SPAG17: variants seen among roughly 807,000 people sequenced by gnomAD.
The protein encoded by SPAG17 is sperm-associated antigen 17.
Under a neutral mutation model 273.6 loss-of-function variants are expected in SPAG17, and 169 were observed. That is an observed-to-expected ratio of 0.62 (90% CI 0.55 to 0.70). SPAG17 has a LOEUF of 0.70. Among genes scored for constraint, SPAG17 ranks in the 30% least tolerant of loss-of-function variants. The pLI is 0.00. For missense variants in SPAG17, 2,557 were observed against 2,627.8 expected (o/e 0.97, Z 0.59); for synonymous variants, 825 against 873.2 (o/e 0.94, Z 0.97).
At chr1:117,967,793 T>C (rs2101465954) in intron 46 of SPAG17, among the ~76,000 whole-genome samples, 1 of 152,342 alleles carries the variant, frequency 6.6e-6, no homozygotes, top group East Asian at 1.9e-4. Context: ...GAGAGAGCTA[T>C]TTATGTTTCT....
intron 45 of SPAG17, among the ~76,000 whole-genome samples, chr1:117,971,172 G>A (rs1654510280): frequency 2.0e-5 from 3 of 152,126 alleles, no homozygotes; most frequent in Admixed American, 2.0e-4. Flanking sequence ...TTTAATGGAA[G>A]TAATACCCAT....
At chr1:118,133,235 G>C (rs991153288) in intron 3 of SPAG17, among the ~76,000 whole-genome samples, 2 of 152,058 alleles carry the variant, frequency 1.3e-5, no homozygotes, top group African/African-American at 4.8e-5. Context: ...ATGCATGATG[G>C]GCAATGGAAA....
At chr1:118,002,518 G>A (rs1282260851) in intron 32 of SPAG17, among the ~76,000 whole-genome samples, 1 of 152,140 alleles carries the variant, frequency 6.6e-6, no homozygotes, top group African/African-American at 2.4e-5. Flanking sequence ...TGTATTGGGT[G>A]CATATATATT....
intron 35 of SPAG17, among the ~76,000 whole-genome samples, chr1:117,993,980 C>T (rs908799182): frequency 1.3e-5 from 2 of 151,976 alleles, no homozygotes; most frequent in Non-Finnish European, 2.9e-5. Flanking sequence ...ATGGTCAGTT[C>T]GTGCATTTTT....
intron 45 of SPAG17, among the ~76,000 whole-genome samples, chr1:117,970,658 G>T (rs1654450315): frequency 6.6e-6 from 1 of 151,994 alleles, no homozygotes; most frequent in African/African-American, 2.4e-5. Context: ...TGGTTTGTGG[G>T]GTCTGCTTGA....
At chr1:117,987,938 C>G in intron 39 of SPAG17, 57 bp from the exon 40 acceptor site, 44 of 1,586,394 alleles carry the variant, frequency 2.8e-5, no homozygotes, top group Admixed American at 3.4e-5. Context: ...AGCTTAAAAA[C>G]AAAACCAAAA....
At chr1:118,147,837 G>C (rs1476982135) in intron 3 of SPAG17, among the ~76,000 whole-genome samples, 3 of 152,126 alleles carry the variant, frequency 2.0e-5, no homozygotes, top group Non-Finnish European at 2.9e-5. Context: ...ATGTGGCTCT[G>C]ACACTATTTT....
Position 118,185,114 on chromosome 1 carries a change from G to T in SPAG17, c.44C>A (p.Ser15Tyr), listed in dbSNP as rs751883629. ...TATGAGCGAGGGTTCCCATATCTTAGAACTGGTGTTCACAGTTCCTCCTTT... is the reference window on the plus strand; with the variant it reads ...TATGAGCGAGGGTTCCCATATCTTATAACTGGTGTTCACAGTTCCTCCTTT... ...KEKGGTVNTS[S>Y]KIWEPSLIAA... The change falls in exon 1 of 49, where the codon TCT becomes TAT. Residue 15 changes from serine to tyrosine, a missense_variant. Coordinates refer to ENST00000336338, the MANE Select transcript of SPAG17 (RefSeq NM_206996.4). The T allele has an allele frequency of 6.2e-7, 1 of 1,614,190 alleles. No individual in the cohort carries two copies. Among genetic ancestry groups the T allele is most frequent in the Non-Finnish European group, 8.5e-7 (1 of 1,180,032 alleles).
At chr1:118,006,671 A>G (rs930300598) in intron 31 of SPAG17, among the ~76,000 whole-genome samples, 1 of 152,208 alleles carries the variant, frequency 6.6e-6, no homozygotes, top group Admixed American at 6.5e-5. Flanking sequence ...GTTGTTTTCC[A>G]AAGTGACTAT....
chr1:118,072,414 C>T (rs1653687945), intron 17 of SPAG17, among the ~76,000 whole-genome samples: 1 of 152,066 alleles, frequency 6.6e-6, no homozygotes, highest in Non-Finnish European at 1.5e-5. Flanking sequence ...ATGGGTGTGG[C>T]CCGGATGACG....
intron 3 of SPAG17, among the ~76,000 whole-genome samples, chr1:118,135,547 T>C (rs185453841): frequency 1.3e-5 from 2 of 152,268 alleles, no homozygotes; most frequent in Non-Finnish European, 2.9e-5. Context: ...AGGTTCTAAG[T>C]GTTTCTGGAG....
At chr1:117,991,361 A>T in intron 37 of SPAG17, 54 bp downstream of exon 37, 1 of 1,073,182 alleles carries the variant, frequency 9.3e-7, no homozygotes, top group Non-Finnish European at 1.3e-6. Flanking sequence ...TTGTCCTGAA[A>T]CATTTAATAT....
intron 48 of SPAG17, chr1:117,960,238 A>G (rs1271846740): frequency 6.6e-6 from 1 of 152,024 alleles, no homozygotes; most frequent in Non-Finnish European, 1.5e-5. Context: ...CGCCCCGCAC[A>G]GTCAAAAATC....
At chr1:118,039,722 T>C (rs1441294598) in intron 22 of SPAG17, among the ~76,000 whole-genome samples, 2 of 152,088 alleles carry the variant, frequency 1.3e-5, no homozygotes, top group Non-Finnish European at 2.9e-5. Flanking sequence ...ATAATATGCA[T>C]ACCAAAGCCC....
intron 48 of SPAG17, among the ~76,000 whole-genome samples, chr1:117,954,905 T>G (rs74114929): frequency 0.025 from 3,761 of 152,256 alleles, 153 homozygotes; most frequent in African/African-American, 0.084. Flanking sequence ...CTGAAGATTC[T>G]GTTAATCTAA....
intron 20 of SPAG17, among the ~76,000 whole-genome samples, chr1:118,044,138 A>G (rs1487791083): frequency 6.6e-6 from 1 of 152,172 alleles, no homozygotes; most frequent in Non-Finnish European, 1.5e-5. Flanking sequence ...ACTTATGTAC[A>G]TATATGTATA....
chr1:118,028,449 A>G, intron 25 of SPAG17, 55 bp from the exon 26 acceptor site: 1 of 1,598,642 alleles, frequency 6.3e-7, no homozygotes, highest in Non-Finnish European at 8.5e-7. Flanking sequence ...ATGAGCTATT[A>G]TTTATTTTGA....
chr1:118,008,164 C>G lies in SPAG17; in HGVS notation c.4467G>C (p.Lys1489Asn), dbSNP rs533159207. The change falls in exon 31 of 49, where the codon AAG (lysine) becomes AAC (asparagine). Residue 1489 changes from lysine (K) to asparagine (N), a missense_variant. Transcript: ENST00000336338. Reference sequence around the variant, plus strand: ...AGCGTGAGCTTTCTACCCGCATACACTTCACCTGCCTGGTGACAGTCCGAG... The same window carrying G: ...AGCGTGAGCTTTCTACCCGCATACAGTTCACCTGCCTGGTGACAGTCCGAG... ...EGPRTVTRQV[K>N]CMRVESSRYA... 3 of 1,614,000 alleles carry G rather than the reference C, an allele frequency of 1.9e-6. No individual in the cohort carries two copies. The highest frequency in any genetic ancestry group is 2.7e-5 in the African/African-American group (2 of 75,054).
intron 48 of SPAG17, chr1:117,954,528 GCTAC>G (rs1651877067): frequency 6.5e-7 from 1 of 1,548,222 alleles, no homozygotes; most frequent in South Asian, 1.1e-5. Flanking sequence ...TATAACAAGT[GCTAC>G]CTAAGTCTCA....
Sources: allele counts gnomAD v4.1 joint callset (sites outside exome capture counted in the v4.1 genomes callset), GRCh38; gene constraint gnomAD v4.1.1; transcripts MANE v1.5; gene names NCBI Gene and HGNC (gene_info 2026-07-23, HGNC 2026-07-21).